SORL1: variants seen among roughly 807,000 people sequenced by gnomAD.
The protein encoded by SORL1 is sortilin related receptor 1.
SORL1 carries 127 observed loss-of-function variants against 273.7 expected under a neutral mutation model. That is an observed-to-expected ratio of 0.46 (90% CI 0.40 to 0.54). The LOEUF (loss-of-function observed/expected upper bound fraction) is 0.54, where lower values mean the gene tolerates loss of function less well. SORL1 is among the 20% of genes least tolerant of loss of function. The pLI is 0.00. For missense variants in SORL1, 2,494 were observed against 2,846.1 expected (o/e 0.88, Z 2.81); for synonymous variants, 1,031 against 1,067.4 (o/e 0.97, Z 0.66).
intron 5 of SORL1, among the ~76,000 whole-genome samples, 159 bp downstream of exon 5, chr11:121,490,269 C>G (rs1861532655): frequency 6.6e-6 from 1 of 152,130 alleles, no homozygotes; most frequent in Admixed American, 6.5e-5. Context: ...GTACAATGAT[C>G]TCACTGTGGG....
chr11:121,560,524 C>T (rs1862655320), intron 21 of SORL1, among the ~76,000 whole-genome samples: 1 of 152,318 alleles, frequency 6.6e-6, no homozygotes. Context: ...CTCTTTATCT[C>T]AGCAGGATTA....
At chr11:121,457,559 T>G (rs1450590314) in intron 1 of SORL1, among the ~76,000 whole-genome samples, 1 of 152,242 alleles carries the variant, frequency 6.6e-6, no homozygotes, top group African/African-American at 2.4e-5. Flanking sequence ...ATTATATTTG[T>G]GATATTATGA....
chr11:121,568,744 T>C (rs1037846716), intron 22 of SORL1, among the ~76,000 whole-genome samples: 5 of 152,242 alleles, frequency 3.3e-5, no homozygotes, highest in African/African-American at 1.2e-4. Flanking sequence ...ATAATGTTGA[T>C]GTACTGTATT....
At position 121,550,466 on chromosome 11, in the gene SORL1, A is replaced by G. The variant is rs952893210; in HGVS notation, c.2181-119A>G. 9.4e-6 allele frequency: 8 copies of G among 846,688 alleles called. No homozygotes were observed. The African/African-American group carries it at 1.3e-4, about 14-fold the overall frequency. 52.4% of individuals were successfully genotyped at this position (846,688 alleles called of 1,614,324 possible). The stretch of plus-strand genomic sequence containing the variant: ...CTACGAACATCCTCTTTCTAGTTCT[A>G]AAGAGAAATGAGTGGATGGACTCTA... On this transcript the variant is annotated intron_variant, in intron 15 of 47. Coordinates refer to ENST00000260197, the MANE Select transcript of SORL1 (RefSeq NM_003105.6). This position sits in a 1 kb window ranked among gnomAD's most constrained non-coding sequence, Gnocchi z 5.3.
At chr11:121,620,946 A>C in intron 43 of SORL1, 118 bp from the exon 44 acceptor site, 3 of 725,042 alleles carry the variant, frequency 4.1e-6, no homozygotes, top group African/African-American at 1.8e-5. Context: ...TTCGGGACTC[A>C]AACTCTTGTT....
At chr11:121,517,379 G>A (rs1444740493) in intron 8 of SORL1, among the ~76,000 whole-genome samples, 1 of 152,102 alleles carries the variant, frequency 6.6e-6, no homozygotes, top group East Asian at 1.9e-4. Context: ...TTAGCCTAAT[G>A]TTTTCAAGGT....
At chr11:121,464,247 T>A (rs1861048818) in intron 1 of SORL1, among the ~76,000 whole-genome samples, 1 of 152,078 alleles carries the variant, frequency 6.6e-6, no homozygotes, top group Admixed American at 6.6e-5. Context: ...GTAGAGAGGG[T>A]ACCTGTGACC....
At chr11:121,586,201 T>G in intron 26 of SORL1, 21 bp from the exon 27 acceptor site, 1 of 1,563,796 alleles carries the variant, frequency 6.4e-7, no homozygotes, top group Non-Finnish European at 8.8e-7. Context: ...CATTCTTCTG[T>G]GTTGTTGAAT....
chr11:121,465,228 A>G (rs1216505666), intron 1 of SORL1, among the ~76,000 whole-genome samples: 2 of 152,122 alleles, frequency 1.3e-5, no homozygotes, highest in Non-Finnish European at 2.9e-5. Context: ...GGATTTACCT[A>G]TTCGGGACAT....
chr11:121,468,954 C>A (rs1861130189), intron 1 of SORL1, among the ~76,000 whole-genome samples: 1 of 152,206 alleles, frequency 6.6e-6, no homozygotes. Context: ...ATGACAATGA[C>A]TCTAGATAGT....
At chr11:121,504,345 G>A (rs1861756845) in intron 6 of SORL1, among the ~76,000 whole-genome samples, 1 of 152,120 alleles carries the variant, frequency 6.6e-6, no homozygotes, top group Non-Finnish European at 1.5e-5. Flanking sequence ...CTGGGAGGTG[G>A]AGATTGCAGT....
intron 45 of SORL1, among the ~76,000 whole-genome samples, chr11:121,623,623 G>A (rs1863754180): frequency 6.6e-6 from 1 of 152,224 alleles, no homozygotes; most frequent in East Asian, 1.9e-4. Context: ...TTAGGTGGAA[G>A]GTAATAACTG....
At chr11:121,504,616 ATGT>A (rs1250489045) in intron 6 of SORL1, among the ~76,000 whole-genome samples, 1 of 152,120 alleles carries the variant, frequency 6.6e-6, no homozygotes, top group Non-Finnish European at 1.5e-5. Context: ...TTACAAGATG[ATGT>A]TGTCTGCTAA....
chr11:121,519,803 G>A (rs1215876156), intron 8 of SORL1, among the ~76,000 whole-genome samples: 1 of 152,272 alleles, frequency 6.6e-6, no homozygotes, highest in Non-Finnish European at 1.5e-5. Context: ...GCTCACTGGA[G>A]GATTTGGAGT....
intron 1 of SORL1, among the ~76,000 whole-genome samples, chr11:121,459,187 A>G (rs1160213109): frequency 6.6e-6 from 1 of 152,236 alleles, no homozygotes; most frequent in Non-Finnish European, 1.5e-5. Context: ...GTGTGACTGA[A>G]GACTTGAAGT....
chr11:121,532,023 A>G (rs979754187), intron 11 of SORL1, among the ~76,000 whole-genome samples: 2 of 152,194 alleles, frequency 1.3e-5, no homozygotes, highest in African/African-American at 4.8e-5. Context: ...TTTACTTTTC[A>G]GCATCCACTG....
rs369370002 is a variant in SORL1, at chr11:121,472,032, C to T, written c.402+1909C>T. Among the ~76,000 whole-genome samples, 11 of 152,328 alleles carry T rather than the reference C, an allele frequency of 7.2e-5. No individual in the cohort carries two copies. In the East Asian group the frequency reaches 1.5e-3, roughly 21 times the overall value. On this transcript the variant is annotated intron_variant, in intron 2 of 47. Coordinates refer to ENST00000260197, the MANE Select transcript of SORL1 (RefSeq NM_003105.6). ...TGGTGGCCTGCTCCCATAGCCCCAG[C>T]TACTCAGCAGGCTAAGGCAGGAGGA...
rs570137510 is a variant in SORL1 at position 121,632,244 on chromosome 11, G to C, written c.*2681G>C. On this transcript the variant is annotated 3_prime_UTR_variant, in exon 48 of 48. Coordinates refer to ENST00000260197, the MANE Select transcript of SORL1 (RefSeq NM_003105.6). ...ATTGGTGGGCAGGGGGTTTGCTTAT[G>C]AGTTTTCTCTGGAAACCGATTTTAC... 1.3e-5 allele frequency: 2 copies of C among 152,260 alleles called. No homozygotes were observed. Among genetic ancestry groups the C allele is most frequent in the East Asian group, 1.9e-4 (1 of 5,182 alleles). 9.4% of individuals were successfully genotyped at this position (152,260 alleles called of 1,614,324 possible).
At chr11:121,465,430 C>CTTTCTA (rs1861067411) in intron 1 of SORL1, among the ~76,000 whole-genome samples, 1 of 152,140 alleles carries the variant, frequency 6.6e-6, no homozygotes, top group Admixed American at 6.5e-5. Flanking sequence ...TTCTAGCTAC[C>CTTTCTA]GTCATTTAGT....
Sources: allele counts gnomAD v4.1 joint callset (sites outside exome capture counted in the v4.1 genomes callset), GRCh38; gene constraint gnomAD v4.1.1; non-coding constraint Gnocchi (gnomAD v3.1); transcripts MANE v1.5; gene names NCBI Gene and HGNC (gene_info 2026-07-23, HGNC 2026-07-21).